The following ELFN1 variants were observed in gnomAD, a reference collection of about 807,000 sequenced individuals.
The protein encoded by ELFN1 is extracellular leucine rich repeat and fibronectin type III domain containing 1, also known as protein ELFN1.
Under a neutral mutation model 7.6 loss-of-function variants are expected in ELFN1, and 6 were observed. The ratio of observed to expected loss-of-function variants is 0.79; its 90% CI spans 0.43 to 1.56. The LOEUF is 1.56. Ranked by LOEUF, ELFN1 falls within the 40% of genes most tolerant of loss-of-function variation. ELFN1 has a pLI of 0.01. For missense variants in ELFN1, 1,169 were observed against 1,232.2 expected (o/e 0.95, Z 0.77); for synonymous variants, 657 against 588.1 (o/e 1.12, Z -1.70).
At chr7:1,681,130 G>A (rs1053203531) in intron 1 of ELFN1, among the ~76,000 whole-genome samples, 18 of 152,230 alleles carry the variant, frequency 1.2e-4, no homozygotes, top group African/African-American at 4.3e-4. Context: ...CTAACACTTA[G>A]TGTCATATTT....
At chr7:1,670,252 A>T (rs1238327659), upstream of ELFN1, among the ~76,000 whole-genome samples, 1 of 151,166 alleles carries the variant, frequency 6.6e-6, no homozygotes, top group East Asian at 2.0e-4. The surrounding 1 kb of genome is among the most constrained non-coding windows in gnomAD (Gnocchi z 6.4). Flanking sequence ...GCGCAGATCG[A>T]TGGGCGAAGC....
At chr7:1,714,952 G>A (rs1302114251) in intron 3 of ELFN1, among the ~76,000 whole-genome samples, 5 of 152,218 alleles carry the variant, frequency 3.3e-5, no homozygotes, top group Admixed American at 6.5e-5. Context: ...CTGCCACTGC[G>A]GACGTTTGTC....
chr7:1,702,571 T>C (rs1357962109), intron 2 of ELFN1, among the ~76,000 whole-genome samples: 1 of 151,232 alleles, frequency 6.6e-6, no homozygotes, highest in Non-Finnish European at 1.5e-5. Flanking sequence ...GTGATTTTGA[T>C]TGAGATTGCC....
Position 1,747,656 on chromosome 7 carries a change from C to G in ELFN1, c.*573C>G, listed in dbSNP as rs1401196292. On this transcript the variant is annotated 3_prime_UTR_variant, in exon 4 of 4. Transcript: ENST00000424383. ...CACTGCAGAGGGGCAGAGTGAATGCCGGCGGCCAAGTGGCCTCCGGGACAG... is the reference window on the plus strand; with the variant it reads ...CACTGCAGAGGGGCAGAGTGAATGCGGGCGGCCAAGTGGCCTCCGGGACAG... 1 of 164,556 alleles carries G rather than the reference C, an allele frequency of 6.1e-6. No homozygotes were observed. The highest frequency in any genetic ancestry group is 2.4e-5 in the African/African-American group (1 of 41,384). 10.2% of individuals were successfully genotyped at this position (164,556 alleles called of 1,614,324 possible). A position where few individuals can be genotyped will look rare whatever the true frequency, so the allele number is the denominator to read the frequency against.
In ELFN1 at chr7:1,746,459, C is replaced by T. The variant is rs1455108889; in HGVS notation, c.1863C>T (p.Gly621=). 1.3e-6 allele frequency: 2 copies of T among 1,525,904 alleles called. No individual in the cohort carries two copies. Among genetic ancestry groups the T allele is most frequent in the Non-Finnish European group, 8.8e-7 (1 of 1,141,178 alleles). The allele number at this position is 1,525,904 out of a possible 1,614,324, so 94.5% of individuals were successfully genotyped here. A position where few individuals can be genotyped will look rare whatever the true frequency, so the allele number is the denominator to read the frequency against. ...FLAPGYKDAF[G]HSLQRHHSVE... is the part of the protein sequence containing the mutation. The stretch of plus-strand genomic sequence containing the variant: ...CGCCCGGGTACAAGGACGCCTTCGG[C>T]CACAGCCTGCAGCGGCACCACAGCG... The change falls in exon 4 of 4, where the codon GGC becomes GGT. Residue 621 remains glycine (G), a synonymous_variant. Coordinates refer to ENST00000424383, the MANE Select transcript of ELFN1 (RefSeq NM_001128636.4).
intron 3 of ELFN1, among the ~76,000 whole-genome samples, chr7:1,725,443 A>G (rs553829833): frequency 3.1e-4 from 45 of 143,540 alleles, no homozygotes; most frequent in African/African-American, 1.1e-3. Context: ...GGCGGGAGCG[A>G]GACAGACGGG....
At chr7:1,682,971 G>C (rs1778999629) in intron 1 of ELFN1, among the ~76,000 whole-genome samples, 1 of 152,110 alleles carries the variant, frequency 6.6e-6, no homozygotes, top group Non-Finnish European at 1.5e-5. Context: ...CAAAATTAGT[G>C]ATTTTCAGAT....
intron 2 of ELFN1, among the ~76,000 whole-genome samples, chr7:1,699,849 G>C (rs112986415): frequency 1.3e-5 from 2 of 152,112 alleles, no homozygotes; most frequent in African/African-American, 4.8e-5. Flanking sequence ...GATTACAGGC[G>C]TGTGCCACCG....
chr7:1,674,011 C>T (rs889208907), intron 1 of ELFN1, among the ~76,000 whole-genome samples: 3 of 152,166 alleles, frequency 2.0e-5, no homozygotes, highest in African/African-American at 7.2e-5. Flanking sequence ...CTGCTCCAGG[C>T]CACGGGGGTA....
chr7:1,696,090 C>T (rs550755043), intron 2 of ELFN1, among the ~76,000 whole-genome samples: 11 of 152,190 alleles, frequency 7.2e-5, no homozygotes, highest in African/African-American at 1.9e-4. Context: ...CGGGTGCCAG[C>T]GGGGTTGGTT....
intron 3 of ELFN1, among the ~76,000 whole-genome samples, chr7:1,725,200 C>G (rs1003681359): frequency 2.0e-5 from 3 of 152,240 alleles, no homozygotes; most frequent in Non-Finnish European, 4.4e-5. Flanking sequence ...CAGTTTGGCC[C>G]ACAGCAGGGG....
rs1415256681 is a variant in ELFN1 at position 1,740,719 on chromosome 7, C to T, written c.-293-3585C>T. On this transcript the variant is annotated intron_variant, in intron 3 of 3. Coordinates refer to ENST00000424383, the MANE Select transcript of ELFN1 (RefSeq NM_001128636.4). This position sits in a 1 kb window ranked among gnomAD's most constrained non-coding sequence, Gnocchi z 5.0. Reference sequence around the variant, plus strand: ...TAGCACAGCACCTGTCCAGCCTCTCCCCCCCGGCCCCTGACAGGAGGCTGC... The same window carrying T: ...TAGCACAGCACCTGTCCAGCCTCTCTCCCCCGGCCCCTGACAGGAGGCTGC... 1.3e-5 allele frequency among the ~76,000 whole-genome samples: 2 copies of T among 152,166 alleles called. No individual in the cohort carries two copies. Among genetic ancestry groups the T allele is most frequent in the Non-Finnish European group, 1.5e-5 (1 of 68,014 alleles).
At chr7:1,676,854 C>T (rs528435071) in intron 1 of ELFN1, among the ~76,000 whole-genome samples, 62 of 152,292 alleles carry the variant, frequency 4.1e-4, no homozygotes, top group African/African-American at 1.2e-3. Flanking sequence ...GGTTGGTACT[C>T]GGATTGCTTC....
upstream of ELFN1, among the ~76,000 whole-genome samples, chr7:1,669,128 G>A (rs1289977712): frequency 6.6e-6 from 1 of 152,370 alleles, no homozygotes; most frequent in East Asian, 1.9e-4. Flanking sequence ...CTGCAGCCGG[G>A]CTAGGCCGGT....
chr7:1,710,647 C>T (rs1452151903), intron 3 of ELFN1, among the ~76,000 whole-genome samples: 3 of 152,180 alleles, frequency 2.0e-5, no homozygotes, highest in East Asian at 3.9e-4. Flanking sequence ...AGAGTCAGAT[C>T]GGGGCCATAG....
At chr7:1,699,477 A>C (rs1357433371) in intron 2 of ELFN1, among the ~76,000 whole-genome samples, 1 of 152,030 alleles carries the variant, frequency 6.6e-6, no homozygotes, top group African/African-American at 2.4e-5. Flanking sequence ...GTCTCTAAAA[A>C]TTATTATTTT....
intron 3 of ELFN1, among the ~76,000 whole-genome samples, chr7:1,717,047 G>A (rs1779855628): frequency 6.6e-6 from 1 of 152,314 alleles, no homozygotes; most frequent in Non-Finnish European, 1.5e-5. Context: ...CAGGAGGGAG[G>A]AGGGGGAAAG....
intron 2 of ELFN1, among the ~76,000 whole-genome samples, chr7:1,696,738 G>A (rs550815308): frequency 6.6e-6 from 1 of 152,178 alleles, no homozygotes; most frequent in African/African-American, 2.4e-5. Context: ...ATCCCATCGT[G>A]GGCCCCACCC....
In ELFN1 at chr7:1,747,132, C is replaced by T. The variant is rs142744207; in HGVS notation, c.*49C>T. The T allele has an allele frequency of 3.9e-4, 558 of 1,423,792 alleles. 11 individuals are homozygous for T. The East Asian group carries it at 0.015, about 38-fold the overall frequency. 88.2% of individuals were successfully genotyped at this position (1,423,792 alleles called of 1,614,324 possible). A position where few individuals can be genotyped will look rare whatever the true frequency, so the allele number is the denominator to read the frequency against. Reference sequence around the variant, plus strand: ...ACTGGACCAAAAAGGATGCAGGATCCACCCAGAGACTCAGCACCAAACCCA... The same window carrying T: ...ACTGGACCAAAAAGGATGCAGGATCTACCCAGAGACTCAGCACCAAACCCA... On this transcript the variant is annotated 3_prime_UTR_variant, in exon 4 of 4. Coordinates refer to ENST00000424383, the MANE Select transcript of ELFN1 (RefSeq NM_001128636.4).
Sources: allele counts gnomAD v4.1 joint callset (sites outside exome capture counted in the v4.1 genomes callset), GRCh38; gene constraint gnomAD v4.1.1; non-coding constraint Gnocchi (gnomAD v3.1); transcripts MANE v1.5; gene names NCBI Gene and HGNC (gene_info 2026-07-23, HGNC 2026-07-21).